The following ACAP3 variants were observed in gnomAD, a reference collection of about 807,000 sequenced individuals.
ACAP3 encodes ArfGAP with coiled-coil, ankyrin repeat and PH domains 3, also known as arf-GAP with coiled-coil, ANK repeat and PH domain-containing protein 3.
A neutral mutation model predicts 104.1 loss-of-function variants in ACAP3; 56 were observed. The ratio of observed to expected loss-of-function variants is 0.54; its 90% confidence interval spans 0.43 to 0.67. The LOEUF (loss-of-function observed/expected upper bound fraction) is 0.67, where lower values mean the gene tolerates loss of function less well. Among genes scored for constraint, ACAP3 ranks in the 30% least tolerant of loss-of-function variants. The pLI is 0.00. For missense variants in ACAP3, 1,208 were observed against 1,174.9 expected, an observed-to-expected ratio of 1.03 and a Z score of -0.41; for synonymous variants, 628 against 496.2, an observed-to-expected ratio of 1.27 and a Z score of -3.53.
In ACAP3 at chr1:1,299,873, T is replaced by C. The variant is rs1641368844; in HGVS notation, c.696A>G (p.Glu232=). ...LDQLVIDSAV[E]KREMERKHAA... is the part of the protein sequence containing the mutation. ...CGTGCTTTCGCTCCATCTCACGCTT[T>C]TCCACCGCAGAGTCGATCACCAGCT... is the stretch of plus-strand genomic sequence containing the variant. Residue 232 remains glutamate (E), a synonymous_variant, in exon 9 of 24, where the codon GAA becomes GAG. Transcript: ENST00000354700. The C allele has an allele frequency of 4.4e-6, 7 of 1,574,786 alleles. No individual in the cohort carries two copies. The highest frequency in any genetic ancestry group is 6.0e-6 in the Non-Finnish European group (7 of 1,158,264).
At chr1:1,302,211 C>A (rs1641474964) in intron 4 of ACAP3, among the ~76,000 whole-genome samples, 165 bp from the exon 5 acceptor site, 2 of 152,112 alleles carry the variant, frequency 1.3e-5, no homozygotes, top group Non-Finnish European at 2.9e-5. Flanking sequence ...AGCCCCCAGG[C>A]CTGAGTTGGC....
rs1640912057 is a variant in ACAP3, at chr1:1,293,073, G to A, written c.*491C>T. 6.6e-6 allele frequency: 1 copy of A among 152,290 alleles called. No individual in the cohort carries two copies. The highest frequency in any genetic ancestry group is 1.5e-5 in the Non-Finnish European group (1 of 68,098). The allele number at this position is 152,290 out of a possible 1,614,324, so 9.4% of individuals were successfully genotyped here. A position where few individuals can be genotyped will look rare whatever the true frequency, so the allele number is the denominator to read the frequency against. ...CGCCCAGCACCCGCGACGCCAGCCT[G>A]GATGCTGGGGTCACTAAGTGAGGTA... On this transcript the variant is annotated 3_prime_UTR_variant, in exon 24 of 24. Transcript: ENST00000354700.
At chr1:1,294,959 C>A in intron 19 of ACAP3, 143 bp from the exon 20 acceptor site, 1 of 726,608 alleles carries the variant, frequency 1.4e-6, no homozygotes, top group Non-Finnish European at 2.3e-6. Flanking sequence ...CGGGGGGAGC[C>A]AGCTGCAGGC....
Position 1,300,212 on chromosome 1 carries a change from G to C in ACAP3, c.523-10C>G. 3 of 1,603,274 alleles carry C rather than the reference G, an allele frequency of 1.9e-6. No homozygotes were observed. The highest frequency in any genetic ancestry group is 8.5e-7 in the Non-Finnish European group (1 of 1,174,378). ...CCTGCAGAACATTGATCTGCCAGAG[G>C]GGGAGCCCACAGGTGAGCCCCGGAG... is the stretch of plus-strand genomic sequence containing the variant. On this transcript the variant is annotated splice_polypyrimidine_tract_variant and intron_variant, in intron 6 of 23. Coordinates refer to ENST00000354700, the MANE Select transcript of ACAP3 (RefSeq NM_030649.3).
At chr1:1,300,720 G>A (rs768767758) in intron 5 of ACAP3, 28 bp from the exon 6 acceptor site, 2 of 1,589,826 alleles carry the variant, frequency 1.3e-6, no homozygotes, top group African/African-American at 2.7e-5. Context: ...GGTGGGGTGA[G>A]AGATCAGGGA....
In ACAP3 at chr1:1,296,232, C is replaced by T. The variant is rs748289109; in HGVS notation, c.1386G>A (p.Ser462=). The T allele has an allele frequency of 5.7e-6, 9 of 1,566,658 alleles. No homozygotes were observed. In the East Asian group the frequency reaches 7.1e-5, roughly 12 times the overall value. The change falls in exon 16 of 24, where the codon TCG becomes TCA. Residue 462 remains serine, a synonymous_variant. Transcript: ENST00000354700. ...CSKVRSLTLD[S]WEPELLKLMC... is the part of the protein sequence containing the mutation. ...GCACCTTTAGCAGCTCAGGCTCCCA[C>T]GAGTCCAGCGTCAGGGACCGCACCT...
rs144299532 is a variant in ACAP3 at position 1,300,131 on chromosome 1, G to C, written c.567+27C>G. ...GTCCAGCCCCCAACATGCAGCCTGT[G>C]CTCAGGGGCAGCCCCCACGCACTCA... On this transcript the variant is annotated intron_variant, in intron 7 of 23. Transcript: ENST00000354700. 1,270 of 1,609,060 alleles carry C rather than the reference G, an allele frequency of 7.9e-4. 12 individuals are homozygous for C. In the African/African-American group the frequency reaches 0.015, roughly 19 times the overall value.
intron 5 of ACAP3, among the ~76,000 whole-genome samples, chr1:1,301,228 A>G (rs1232466779): frequency 1.4e-5 from 2 of 143,476 alleles, no homozygotes; most frequent in Admixed American, 7.0e-5. Flanking sequence ...GTGCCACCAT[A>G]TAAGGCTTAT....
chr1:1,300,797 G>A (rs1641409863), intron 5 of ACAP3, 105 bp from the exon 6 acceptor site: 1 of 1,247,958 alleles, frequency 8.0e-7, no homozygotes, highest in African/African-American at 1.5e-5. Flanking sequence ...TTGAGACGGA[G>A]TTTCGCTCTT....
chr1:1,297,181 A>T (rs928719344), intron 14 of ACAP3, among the ~76,000 whole-genome samples: 6 of 136,498 alleles, frequency 4.4e-5, no homozygotes, highest in Non-Finnish European at 9.1e-5. Context: ...GGCAGGGGCC[A>T]TCCCCAGTGG....
intron 11 of ACAP3, 71 bp from the exon 12 acceptor site, chr1:1,298,492 C>CGGGGGGG: frequency 6.6e-7 from 1 of 1,520,438 alleles, no homozygotes; most frequent in Non-Finnish European, 8.9e-7. Context: ...CTGCCCCCAC[C>CGGGGGGG]TGAGGACCCC....
At position 1,307,891 on chromosome 1, in the gene ACAP3, G is replaced by A; in HGVS notation, c.-76C>T. On this transcript the variant is annotated 5_prime_UTR_variant, in exon 1 of 24. It adds an upstream start codon to the 5' untranslated region. Transcript: ENST00000354700. ...GCAGCCGCGCCGGCCCGGACCGCTC[G>A]TCCCGCCCGCGCCGCCTCGGCGCCC... is the stretch of plus-strand genomic sequence containing the variant. The A allele has an allele frequency of 1.1e-6, 1 of 877,414 alleles. No individual in the cohort carries two copies. The highest frequency in any genetic ancestry group is 1.4e-6 in the Non-Finnish European group (1 of 732,416). The allele number at this position is 877,414 out of a possible 1,614,324, so 54.4% of individuals were successfully genotyped here.
intron 16 of ACAP3, 32 bp downstream of exon 16, chr1:1,296,179 G>T (rs1434161995): frequency 1.3e-6 from 2 of 1,598,314 alleles, no homozygotes; most frequent in Non-Finnish European, 1.7e-6. Context: ...CCACAAACGG[G>T]GTCCCGTGGC....
Position 1,302,873 on chromosome 1 carries a change from C to G in ACAP3, c.279+49G>C. On this transcript the variant is annotated intron_variant, in intron 4 of 23. Transcript: ENST00000354700. The stretch of plus-strand genomic sequence containing the variant: ...GGCCTTCAGGTGAGCCAGCGCAGCT[C>G]GGTTCCAGGCCAGGCACAGCCCACA... 2.6e-6 allele frequency: 4 copies of G among 1,559,362 alleles called. 1 individual carries two copies. Among genetic ancestry groups the G allele is most frequent in the Non-Finnish European group, 1.7e-6 (2 of 1,147,198 alleles).
chr1:1,297,600 CGT>C (rs1256792442), intron 14 of ACAP3, among the ~76,000 whole-genome samples: 3 of 40,072 alleles, frequency 7.5e-5, no homozygotes, highest in Admixed American at 6.6e-4. Flanking sequence ...CCCGGTGGCA[CGT>C]GTGTGTGTGC....
At position 1,296,562 on chromosome 1, in the gene ACAP3, C is replaced by T; in HGVS notation, c.1200G>A (p.Val400=). The T allele has an allele frequency of 6.5e-7, 1 of 1,539,670 alleles. No individual in the cohort carries two copies. Among genetic ancestry groups the T allele is most frequent in the Non-Finnish European group, 8.7e-7 (1 of 1,146,690 alleles). The change falls in exon 15 of 24, where the codon GTG becomes GTA. Residue 400 remains valine, a synonymous_variant. Coordinates refer to ENST00000354700, the MANE Select transcript of ACAP3 (RefSeq NM_030649.3). ...CACGCTGCAGCACACTCTCGCCCTTCACGCCACGCTCCCGAGTGTCGGTGG... is the reference window on the plus strand; with the variant it reads ...CACGCTGCAGCACACTCTCGCCCTTTACGCCACGCTCCCGAGTGTCGGTGG... The part of the protein sequence containing the change: ...DSATDTRERG[V]KGESVLQRVQ...
chr1:1,301,112 G>T (rs1641423248), intron 5 of ACAP3, among the ~76,000 whole-genome samples: 1 of 152,042 alleles, frequency 6.6e-6, no homozygotes, highest in Admixed American at 6.6e-5. Flanking sequence ...TGCCCAGGCT[G>T]GAGGCTGGAG....
At position 1,298,388 on chromosome 1, in the gene ACAP3, G is replaced by C; in HGVS notation, c.897C>G (p.Val299=). 6.2e-7 allele frequency: 1 copy of C among 1,603,736 alleles called. No homozygotes were observed. The highest frequency in any genetic ancestry group is 1.7e-4 in the Middle Eastern group (1 of 6,024). Reference sequence around the variant, plus strand: ...GGCACACCTTGAGCTTCTTCTGGTAGACCAGCTGGCTGTTCTGAATGGAGA... The same window carrying C: ...GGCACACCTTGAGCTTCTTCTGGTACACCAGCTGGCTGTTCTGAATGGAGA... ...RWFSIQNSQL[V]YQKKLKDALT... is the part of the protein sequence containing the mutation. Residue 299 remains valine, a synonymous_variant, in exon 12 of 24, where the codon GTC becomes GTG. Coordinates refer to ENST00000354700, the MANE Select transcript of ACAP3 (RefSeq NM_030649.3).
chr1:1,302,311 G>A (rs375564029), intron 4 of ACAP3, among the ~76,000 whole-genome samples: 2 of 146,864 alleles, frequency 1.4e-5, no homozygotes, highest in African/African-American at 5.5e-5. Context: ...CACAGCCTGA[G>A]CCGGAGCCCC....
Sources: allele counts gnomAD v4.1 joint callset (sites outside exome capture counted in the v4.1 genomes callset), GRCh38; gene constraint gnomAD v4.1.1; transcripts MANE v1.5; gene names NCBI Gene and HGNC (gene_info 2026-07-23, HGNC 2026-07-21).